FOXP1: variants seen among roughly 807,000 people sequenced by gnomAD.
The protein encoded by FOXP1 is forkhead box P1, also known as forkhead box protein P1.
In FOXP1, 15 loss-of-function variants were observed where a neutral mutation model predicts 98.2. That is an observed-to-expected ratio of 0.15 (90% CI 0.10 to 0.24). FOXP1 has a LOEUF of 0.24. FOXP1 is among the 10% of genes least tolerant of loss of function. FOXP1 has a pLI of 1.00. For missense variants in FOXP1, 633 were observed against 848.5 expected (o/e 0.75, Z 3.15); for synonymous variants, 371 against 314.5 (o/e 1.18, Z -1.90).
chr3:71,175,657 G>A (rs776705891), intron 6 of FOXP1, among the ~76,000 whole-genome samples: 9 of 152,136 alleles, frequency 5.9e-5, no homozygotes, highest in South Asian at 2.1e-4. Context: ...CACGGACTCC[G>A]GGTAATCAGC....
chr3:71,071,452 C>T (rs763842484), intron 7 of FOXP1, among the ~76,000 whole-genome samples: 1 of 152,186 alleles, frequency 6.6e-6, no homozygotes, highest in East Asian at 1.9e-4. Flanking sequence ...CTACATATGA[C>T]TTAGGATTCT....
chr3:70,994,774 T>C (rs2041129694), intron 13 of FOXP1, among the ~76,000 whole-genome samples: 1 of 152,220 alleles, frequency 6.6e-6, no homozygotes, highest in Admixed American at 6.5e-5. Context: ...TGATTCCTTT[T>C]TCCCTTGCCT....
chr3:71,450,599 G>T (rs2086856139), intron 3 of FOXP1, among the ~76,000 whole-genome samples: 1 of 152,098 alleles, frequency 6.6e-6, no homozygotes, highest in Non-Finnish European at 1.5e-5. Context: ...GATATTCTTG[G>T]TTCACCCTGC....
intron 4 of FOXP1, among the ~76,000 whole-genome samples, chr3:71,303,796 C>T (rs564110015): frequency 1.3e-5 from 2 of 148,596 alleles, no homozygotes; most frequent in Admixed American, 6.7e-5. Flanking sequence ...AAAATAAAAA[C>T]GGAAAAAGGG....
At chr3:71,281,039 C>CAAAA (rs55640213) in intron 5 of FOXP1, among the ~76,000 whole-genome samples, 38 of 83,494 alleles carry the variant, frequency 4.6e-4, no homozygotes, top group Non-Finnish European at 6.0e-4. Context: ...CCCTTCTCTA[C>CAAAA]AAAAAAAAAA....
chr3:71,229,431 GA>G lies in FOXP1; in HGVS notation c.-11-31040del, dbSNP rs540717705. Among the ~76,000 whole-genome samples the G allele has an allele frequency of 1.2e-3, 181 of 152,044 alleles. No individual in the cohort carries two copies. The Middle Eastern group carries it at 0.014, about 11-fold the overall frequency. On this transcript the variant is annotated intron_variant, in intron 5 of 20. Transcript: ENST00000649528. ...CAGATGAAATGACTGTCATAAACAG[GA>G]AAAAAAGGTAAAAATTCCCCAATGA...
At chr3:71,084,830 C>T (rs1335129374) in intron 7 of FOXP1, among the ~76,000 whole-genome samples, 2 of 152,052 alleles carry the variant, frequency 1.3e-5, no homozygotes, top group Admixed American at 6.6e-5. Context: ...CCCAGGAGTT[C>T]GAGGCCAGCC....
intron 6 of FOXP1, among the ~76,000 whole-genome samples, chr3:71,139,006 G>T (rs908622238): frequency 6.6e-6 from 1 of 152,146 alleles, no homozygotes; most frequent in African/African-American, 2.4e-5. Flanking sequence ...ACGGCATCCT[G>T]GTTTCGCATG....
At chr3:71,342,507 A>G (rs755767578) in intron 4 of FOXP1, among the ~76,000 whole-genome samples, 110 of 152,190 alleles carry the variant, frequency 7.2e-4, no homozygotes, top group Admixed American at 1.4e-3. Flanking sequence ...AGCCTGACCA[A>G]CAAGGTGAAA....
chr3:71,061,728 A>T (rs1030151092), intron 7 of FOXP1, among the ~76,000 whole-genome samples: 2 of 152,192 alleles, frequency 1.3e-5, no homozygotes, highest in East Asian at 1.9e-4. Context: ...TGACCACTAC[A>T]TTTGCCTAGT....
chr3:71,545,543 A>G (rs1168598916), intron 2 of FOXP1, among the ~76,000 whole-genome samples: 1 of 152,220 alleles, frequency 6.6e-6, no homozygotes, highest in Non-Finnish European at 1.5e-5. Context: ...TGAAGGACTG[A>G]ACTGCCTTAT....
intron 4 of FOXP1, among the ~76,000 whole-genome samples, chr3:71,353,281 G>C (rs1179697320): frequency 1.3e-5 from 2 of 152,158 alleles, no homozygotes; most frequent in East Asian, 3.8e-4. Context: ...GCAGCACAAG[G>C]GCTGATCTAG....
At chr3:71,142,181 A>G (rs974481322) in intron 6 of FOXP1, among the ~76,000 whole-genome samples, 7 of 152,222 alleles carry the variant, frequency 4.6e-5, no homozygotes. Context: ...GAATTGATAT[A>G]ATTACCACAG....
chr3:71,175,955 A>G (rs548511591), intron 6 of FOXP1, among the ~76,000 whole-genome samples: 3 of 152,222 alleles, frequency 2.0e-5, no homozygotes, highest in African/African-American at 7.2e-5. Context: ...TTCTCAACAG[A>G]GCTAATCACT....
intron 3 of FOXP1, among the ~76,000 whole-genome samples, chr3:71,393,810 T>C (rs1316237534): frequency 6.6e-6 from 1 of 152,210 alleles, no homozygotes; most frequent in African/African-American, 2.4e-5. Flanking sequence ...TGAAAACTAC[T>C]CTTGGAGAAC....
chr3:71,457,607 A>G (rs1439755001), intron 3 of FOXP1, among the ~76,000 whole-genome samples: 2 of 152,176 alleles, frequency 1.3e-5, no homozygotes, highest in East Asian at 3.9e-4. Context: ...GCTTTTGCAG[A>G]TTCGCATTTA....
At chr3:71,378,379 C>G (rs940912544) in intron 3 of FOXP1, among the ~76,000 whole-genome samples, 1 of 152,046 alleles carries the variant, frequency 6.6e-6, no homozygotes, top group African/African-American at 2.4e-5. Context: ...TCTCAGTCAC[C>G]CCCAGTCAAC....
chr3:71,525,357 A>C (rs1424079104), intron 2 of FOXP1, among the ~76,000 whole-genome samples: 1 of 152,254 alleles, frequency 6.6e-6, no homozygotes, highest in Non-Finnish European at 1.5e-5. Context: ...ATCTATTTTT[A>C]AGAAATTCCC....
intron 6 of FOXP1, among the ~76,000 whole-genome samples, chr3:71,152,554 G>GC (rs1329327700): frequency 3.3e-5 from 5 of 152,106 alleles, no homozygotes; most frequent in East Asian, 1.9e-4. Context: ...TGTGGAGGAG[G>GC]CCCCCAGCGT....
Sources: allele counts gnomAD v4.1 joint callset (sites outside exome capture counted in the v4.1 genomes callset), GRCh38; gene constraint gnomAD v4.1.1; transcripts MANE v1.5; gene names NCBI Gene and HGNC (gene_info 2026-07-23, HGNC 2026-07-21).